ULK4: variants seen among roughly 807,000 people sequenced by gnomAD.
ULK4 encodes the protein unc-51 like kinase 4, also known as inactive serine/threonine-protein kinase ULK4.
ULK4 carries 133 observed loss-of-function variants against 160.6 expected under a neutral mutation model. The ratio of observed to expected loss-of-function variants is 0.83; its 90% CI spans 0.72 to 0.96. The LOEUF is 0.96. Among genes scored for constraint, ULK4 ranks in the 40% least tolerant of loss-of-function variants. The pLI, the probability that ULK4 is intolerant of heterozygous loss-of-function variation, is 0.00. For missense variants in ULK4, 1,580 were observed against 1,499.5 expected (o/e 1.05, Z -0.89); for synonymous variants, 534 against 539.8 (o/e 0.99, Z 0.15).
intron 32 of ULK4, among the ~76,000 whole-genome samples, chr3:41,484,109 C>T (rs950912767): frequency 1.3e-5 from 2 of 152,110 alleles, no homozygotes; most frequent in African/African-American, 4.8e-5. Flanking sequence ...GTTGTCTTTA[C>T]CAAGAAGTCT....
intron 34 of ULK4, among the ~76,000 whole-genome samples, chr3:41,454,126 T>C (rs2083484526): frequency 6.7e-6 from 1 of 148,234 alleles, no homozygotes; most frequent in Non-Finnish European, 1.5e-5. Context: ...TGTATACATA[T>C]GTAACAAACC....
intron 19 of ULK4, among the ~76,000 whole-genome samples, chr3:41,806,227 C>T (rs951391113): frequency 1.1e-4 from 16 of 149,210 alleles, no homozygotes; most frequent in African/African-American, 3.8e-4. Context: ...GTGTATGTGT[C>T]GAGGAATTTA....
chr3:41,790,095 T>C (rs1408651380), intron 20 of ULK4, among the ~76,000 whole-genome samples: 3 of 152,228 alleles, frequency 2.0e-5, no homozygotes, highest in East Asian at 1.9e-4. Flanking sequence ...GATAAATTCA[T>C]AAGCCTATAT....
chr3:41,320,365 G>A (rs2080223174), intron 35 of ULK4, among the ~76,000 whole-genome samples: 1 of 152,176 alleles, frequency 6.6e-6, no homozygotes, highest in Non-Finnish European at 1.5e-5. Flanking sequence ...GATGACAAAT[G>A]TGATAATACA....
At chr3:41,294,922 G>C (rs2079640022) in intron 35 of ULK4, among the ~76,000 whole-genome samples, 1 of 152,176 alleles carries the variant, frequency 6.6e-6, no homozygotes, top group Admixed American at 6.5e-5. Context: ...AATCCCAGGA[G>C]ATTATTTTGT....
intron 35 of ULK4, among the ~76,000 whole-genome samples, chr3:41,395,266 T>C (rs927433776): frequency 6.7e-5 from 10 of 149,274 alleles, no homozygotes; most frequent in Non-Finnish European, 1.2e-4. Flanking sequence ...ATTAGCCAAA[T>C]CTGGGGCAGC....
intron 29 of ULK4, among the ~76,000 whole-genome samples, chr3:41,664,075 T>G (rs570271303): frequency 9.2e-5 from 14 of 152,240 alleles, no homozygotes; most frequent in Admixed American, 2.6e-4. Context: ...CTTAACCTCA[T>G]GAAGTCTGAA....
rs7612845 is a variant in ULK4 at position 41,515,454 on chromosome 3, A to G, written c.3226+50571T>C. Among the ~76,000 whole-genome samples, 812 of 152,286 alleles carry G rather than the reference A, an allele frequency of 5.3e-3. 11 individuals are homozygous for G. The highest frequency in any genetic ancestry group is 0.019 in the African/African-American group (781 of 41,576). On this transcript the variant is annotated intron_variant, in intron 32 of 36. Transcript: ENST00000301831. ...TGTGAAAACAGCCAGACATATAAGTAGAGGTATTAGCCTGTTCTCATGCTG... is the reference window on the plus strand; with the variant it reads ...TGTGAAAACAGCCAGACATATAAGTGGAGGTATTAGCCTGTTCTCATGCTG...
At chr3:41,713,770 G>A (rs1217932756) in intron 25 of ULK4, among the ~76,000 whole-genome samples, 1 of 152,126 alleles carries the variant, frequency 6.6e-6, no homozygotes, top group Non-Finnish European at 1.5e-5. Context: ...CCTTGTCTCT[G>A]AACACAGAAT....
At chr3:41,904,125 T>C (rs1698470993) in intron 12 of ULK4, among the ~76,000 whole-genome samples, 1 of 152,104 alleles carries the variant, frequency 6.6e-6, no homozygotes, top group South Asian at 2.1e-4. Flanking sequence ...GAATAAAAAG[T>C]ATCATTTAAA....
At chr3:41,589,241 C>A (rs567202252) in intron 31 of ULK4, among the ~76,000 whole-genome samples, 1 of 151,842 alleles carries the variant, frequency 6.6e-6, no homozygotes, top group African/African-American at 2.4e-5. Flanking sequence ...ACACAGTGAG[C>A]GGGAACCTAT....
intron 22 of ULK4, among the ~76,000 whole-genome samples, chr3:41,753,426 A>G (rs1201911550): frequency 6.6e-6 from 1 of 152,194 alleles, no homozygotes; most frequent in Non-Finnish European, 1.5e-5. Flanking sequence ...AGAAACAGAC[A>G]TTAAACCAAA....
intron 21 of ULK4, among the ~76,000 whole-genome samples, chr3:41,781,049 A>G (rs955764901): frequency 6.6e-6 from 1 of 152,172 alleles, no homozygotes; most frequent in Admixed American, 6.5e-5. Context: ...AGAAAAATAT[A>G]TATTTATACA....
chr3:41,589,682 A>G (rs1484843827), intron 31 of ULK4, among the ~76,000 whole-genome samples: 1 of 152,214 alleles, frequency 6.6e-6, no homozygotes, highest in African/African-American at 2.4e-5. Flanking sequence ...GCAAACCCCT[A>G]AAAAGTTAAA....
chr3:41,727,703 C>G (rs1392563303), intron 22 of ULK4, among the ~76,000 whole-genome samples: 2 of 151,942 alleles, frequency 1.3e-5, no homozygotes, highest in Non-Finnish European at 2.9e-5. Flanking sequence ...ACTTTACTCT[C>G]AAGGAGAAAG....
chr3:41,426,983 G>GT (rs1220214036), intron 34 of ULK4, among the ~76,000 whole-genome samples: 2 of 151,958 alleles, frequency 1.3e-5, no homozygotes, highest in East Asian at 1.9e-4. Context: ...CCAGGAGCTG[G>GT]TTTTTTGAAA....
chr3:41,253,923 A>G (rs2078784641), intron 35 of ULK4, among the ~76,000 whole-genome samples: 1 of 152,186 alleles, frequency 6.6e-6, no homozygotes, highest in Admixed American at 6.6e-5. Flanking sequence ...TATTTTGATT[A>G]AAGGGTTTTG....
At chr3:41,309,258 A>C (rs190645346) in intron 35 of ULK4, among the ~76,000 whole-genome samples, 1 of 152,148 alleles carries the variant, frequency 6.6e-6, no homozygotes, top group Non-Finnish European at 1.5e-5. Context: ...GCAGGAAGCA[A>C]CATTCTCTAG....
intron 34 of ULK4, among the ~76,000 whole-genome samples, chr3:41,443,855 CAT>C (rs1209892213): frequency 6.6e-6 from 1 of 151,862 alleles, no homozygotes; most frequent in African/African-American, 2.4e-5. Flanking sequence ...AATATTTTCC[CAT>C]ATGATTAAAT....
Sources: allele counts gnomAD v4.1 joint callset (sites outside exome capture counted in the v4.1 genomes callset), GRCh38; gene constraint gnomAD v4.1.1; transcripts MANE v1.5; gene names NCBI Gene and HGNC (gene_info 2026-07-23, HGNC 2026-07-21).